SYN2: variants seen among roughly 807,000 people sequenced by gnomAD.
SYN2 encodes the protein synapsin II, also known as synapsin-2.
SYN2 carries 19 observed loss-of-function variants against 50.9 expected under a neutral mutation model. That is an observed-to-expected ratio of 0.37 (90% CI 0.26 to 0.55). The LOEUF (loss-of-function observed/expected upper bound fraction) is 0.55. SYN2 is among the 20% of genes least tolerant of loss of function. The pLI is 0.81. For missense variants in SYN2, 587 were observed against 576.4 expected (o/e 1.02, Z -0.19); for synonymous variants, 255 against 224.9 (o/e 1.13, Z -1.20).
intron 10 of SYN2, among the ~76,000 whole-genome samples, chr3:12,174,372 C>T (rs551205834): frequency 6.6e-6 from 1 of 152,248 alleles, no homozygotes; most frequent in East Asian, 1.9e-4. Context: ...ATGTAGGCCC[C>T]TACCTGCCTC....
chr3:12,164,984 C>CTTTTTTTTTTTTTTT (rs68043865), intron 7 of SYN2, among the ~76,000 whole-genome samples: 11 of 92,322 alleles, frequency 1.2e-4, no homozygotes, highest in Non-Finnish European at 1.7e-4. Flanking sequence ...TTTTTCTTTT[C>CTTTTTTTTTTTTTTT]TTTTTTTTTT....
At chr3:12,069,715 A>C (rs116063053) in intron 1 of SYN2, among the ~76,000 whole-genome samples, 1 of 151,886 alleles carries the variant, frequency 6.6e-6, no homozygotes, top group Non-Finnish European at 1.5e-5. Flanking sequence ...TCCACATCAC[A>C]TCCTCATCAA....
At chr3:12,159,737 G>C (rs1277313766) in intron 5 of SYN2, among the ~76,000 whole-genome samples, 2 of 152,142 alleles carry the variant, frequency 1.3e-5, no homozygotes. Context: ...TAGAAGGTGG[G>C]ACAGCTTAGA....
At chr3:12,167,164 G>A in intron 7 of SYN2, 70 bp from the exon 8 acceptor site, 1 of 1,513,486 alleles carries the variant, frequency 6.6e-7, no homozygotes, top group South Asian at 1.2e-5. Flanking sequence ...TAAAATTCTG[G>A]AAAGTTGCAT....
At chr3:12,104,572 T>C (rs1478097393) in intron 1 of SYN2, among the ~76,000 whole-genome samples, 1 of 123,424 alleles carries the variant, frequency 8.1e-6, no homozygotes, top group South Asian at 3.0e-4. Context: ...TTTCTTTTCT[T>C]TTTTTTTTTT....
chr3:12,025,775 C>T (rs1486332159), intron 1 of SYN2, among the ~76,000 whole-genome samples: 1 of 152,172 alleles, frequency 6.6e-6, no homozygotes. Context: ...CAACCAGGCA[C>T]CTCCCCCTAC....
At chr3:12,013,001 T>C (rs1243251013) in intron 1 of SYN2, among the ~76,000 whole-genome samples, 2 of 152,276 alleles carry the variant, frequency 1.3e-5, no homozygotes, top group Admixed American at 6.5e-5. Context: ...ATATTGATAC[T>C]GTTCTTGCTA....
intron 1 of SYN2, among the ~76,000 whole-genome samples, chr3:12,109,834 C>A (rs1261912259): frequency 6.6e-6 from 1 of 152,168 alleles, no homozygotes; most frequent in African/African-American, 2.4e-5. Context: ...CTTACCCCTA[C>A]CATTTAAAAG....
chr3:12,103,315 T>C (rs546896139), intron 1 of SYN2, among the ~76,000 whole-genome samples: 5 of 152,094 alleles, frequency 3.3e-5, no homozygotes, highest in Non-Finnish European at 7.4e-5. Flanking sequence ...AAATCTAAGA[T>C]GTAAAAAAGA....
chr3:12,033,804 A>C (rs541069523), intron 1 of SYN2, among the ~76,000 whole-genome samples: 7 of 152,176 alleles, frequency 4.6e-5, no homozygotes, highest in African/African-American at 1.7e-4. Flanking sequence ...ATCTTAGCAT[A>C]ATGTTTTCAG....
chr3:12,025,712 G>C (rs968415166), intron 1 of SYN2, among the ~76,000 whole-genome samples: 51 of 152,018 alleles, frequency 3.4e-4, no homozygotes, highest in African/African-American at 1.2e-3. Flanking sequence ...CGTCATATAA[G>C]TGGTCCCCTT....
At chr3:12,102,516 A>G (rs1487270057) in intron 1 of SYN2, among the ~76,000 whole-genome samples, 2 of 152,154 alleles carry the variant, frequency 1.3e-5, no homozygotes, top group East Asian at 3.8e-4. Flanking sequence ...TAAAAAGAGA[A>G]TGGCAATAAA....
In SYN2 at chr3:12,169,553, G is replaced by C. The variant is rs547952968; in HGVS notation, c.1159-204G>C. 2.6e-5 allele frequency among the ~76,000 whole-genome samples: 4 copies of C among 152,238 alleles called. No individual in the cohort carries two copies. The South Asian group carries it at 8.3e-4, about 32-fold the overall frequency. ...AGCCCTGGCACGGGTAAAGCTTGGG[G>C]AAAAGACCTGAGGCAAAGGTTTGTA... On this transcript the variant is annotated intron_variant, in intron 9 of 12. Transcript: ENST00000621198.
intron 1 of SYN2, among the ~76,000 whole-genome samples, chr3:12,021,051 T>G (rs561483019): frequency 1.3e-5 from 2 of 152,352 alleles, no homozygotes; most frequent in South Asian, 4.1e-4. Flanking sequence ...TAGCTATAAC[T>G]TCATATTTTT....
intron 5 of SYN2, chr3:12,159,074 G>A (rs1697560711): frequency 7.5e-6 from 4 of 532,682 alleles, no homozygotes; most frequent in African/African-American, 6.0e-5. Context: ...CCTGGAAGGA[G>A]GCCCTGACCT....
At chr3:12,036,727 T>C (rs1694506377) in intron 1 of SYN2, among the ~76,000 whole-genome samples, 1 of 152,232 alleles carries the variant, frequency 6.6e-6, no homozygotes, top group Non-Finnish European at 1.5e-5. Flanking sequence ...CTAGCTGTAC[T>C]ACTCTGTTTA....
intron 5 of SYN2, among the ~76,000 whole-genome samples, chr3:12,160,558 C>G (rs537924372): frequency 6.6e-6 from 1 of 152,148 alleles, no homozygotes; most frequent in African/African-American, 2.4e-5. Flanking sequence ...ATGAAATGCC[C>G]GGGTTAGCAT....
chr3:12,076,458 A>G (rs1006109343), intron 1 of SYN2, among the ~76,000 whole-genome samples: 1 of 152,000 alleles, frequency 6.6e-6, no homozygotes, highest in Non-Finnish European at 1.5e-5. Context: ...GTGAGGATGG[A>G]GAAAAAAATC....
chr3:12,188,185 G>A (rs920533840), intron 12 of SYN2, among the ~76,000 whole-genome samples: 4 of 152,322 alleles, frequency 2.6e-5, no homozygotes, highest in Admixed American at 2.0e-4. Context: ...GGCAGCAGAG[G>A]AGTTCCCAGG....
Sources: gnomAD v4.1 joint callset for allele counts (sites outside exome capture counted in the v4.1 genomes callset) on GRCh38, gnomAD v4.1.1 for gene constraint, MANE v1.5 for transcripts, NCBI Gene and HGNC (gene_info 2026-07-23, HGNC 2026-07-21) for gene names.